Variants in RSRC1 observed in about 807,000 individuals in gnomAD.
The protein encoded by RSRC1 is arginine and serine rich coiled-coil 1.
Under a neutral mutation model 49.1 loss-of-function variants are expected in RSRC1, and 39 were observed. The ratio of observed to expected loss-of-function variants is 0.79; its 90% CI spans 0.61 to 1.04. The LOEUF is 1.04. Ranked by LOEUF, RSRC1 falls within the 50% of genes least tolerant of loss-of-function variation. The probability of loss-of-function intolerance (pLI) is 0.00; values close to 1 mark genes in which losing one functional copy is unlikely to be tolerated. For synonymous variants in RSRC1, 143 were observed against 130.8 expected, an observed-to-expected ratio of 1.09 and a Z score of -0.63; for missense variants, 388 against 402.4, an observed-to-expected ratio of 0.96 and a Z score of 0.31.
intron 3 of RSRC1, among the ~76,000 whole-genome samples, chr3:158,157,486 CTT>C (rs1348512917): frequency 6.6e-6 from 1 of 152,118 alleles, no homozygotes; most frequent in Admixed American, 6.5e-5. Flanking sequence ...AGTTAAATGT[CTT>C]TGGTGTTGGT....
At chr3:158,537,906 C>T (rs1041655685) in intron 8 of RSRC1, among the ~76,000 whole-genome samples, 2 of 151,634 alleles carry the variant, frequency 1.3e-5, no homozygotes, top group Non-Finnish European at 3.0e-5. Flanking sequence ...CCTCTGTTAT[C>T]AAATAAGTAG....
At chr3:158,302,678 T>TTTTTTTTTTTTTGGTTG (rs1727630418) in intron 5 of RSRC1, 1 of 147,414 alleles carries the variant, frequency 6.8e-6, no homozygotes. Context: ...TTTTTTTTTT[T>TTTTTTTTTTTTTGGTTG]GAGATGGGAG....
At chr3:158,247,240 C>T (rs76577376) in intron 4 of RSRC1, among the ~76,000 whole-genome samples, 2 of 152,190 alleles carry the variant, frequency 1.3e-5, no homozygotes, top group Non-Finnish European at 2.9e-5. Flanking sequence ...AGTTATGTTC[C>T]TCTTTAAACT....
intron 5 of RSRC1, among the ~76,000 whole-genome samples, chr3:158,334,250 A>C (rs945410101): frequency 2.6e-5 from 4 of 152,186 alleles, no homozygotes; most frequent in Non-Finnish European, 5.9e-5. Context: ...AAATTATTTG[A>C]ACTTTACCTT....
chr3:158,296,394 G>A (rs113858074), intron 4 of RSRC1, among the ~76,000 whole-genome samples: 1,869 of 151,906 alleles, frequency 0.012, 18 homozygotes, highest in Non-Finnish European at 0.019. Flanking sequence ...ATTGAGAACT[G>A]GGAGTCAGTG....
intron 3 of RSRC1, among the ~76,000 whole-genome samples, chr3:158,184,441 C>G (rs1479753568): frequency 6.6e-6 from 1 of 152,116 alleles, no homozygotes; most frequent in East Asian, 1.9e-4. Flanking sequence ...TACCTGAGTT[C>G]TGTTTCTCAT....
chr3:158,210,912 C>T (rs1729999), intron 4 of RSRC1, among the ~76,000 whole-genome samples: 86,753 of 151,770 alleles, frequency 0.57, 25,164 homozygotes, highest in East Asian at 0.73. Context: ...TGCCTGATAA[C>T]GTCTTAAATG....
At chr3:158,397,453 G>A (rs10936138) in intron 6 of RSRC1, among the ~76,000 whole-genome samples, 20,459 of 152,102 alleles carry the variant, frequency 0.13, 1,497 homozygotes, top group Middle Eastern at 0.2. Context: ...AATACCATTT[G>A]ACCTACTTAG....
At chr3:158,177,989 T>C (rs561350066) in intron 3 of RSRC1, among the ~76,000 whole-genome samples, 1 of 152,324 alleles carries the variant, frequency 6.6e-6, no homozygotes, top group Admixed American at 6.5e-5. Context: ...GATAGGAGTT[T>C]GTCAATTCAC....
Position 158,270,857 on chromosome 3 carries a change from T to A in RSRC1, c.495-27182T>A, listed in dbSNP as rs186806538. Among the ~76,000 whole-genome samples, 469 of 152,224 alleles carry A rather than the reference T, an allele frequency of 3.1e-3. 2 individuals are homozygous for A. Among genetic ancestry groups the A allele is most frequent in the Middle Eastern group, 0.01 (3 of 294 alleles). On this transcript the variant is annotated intron_variant, in intron 4 of 9. Coordinates refer to ENST00000611884, the MANE Select transcript of RSRC1 (RefSeq NM_001271838.2). ...GATAATGTAAAACTTTCTGAACTAT[T>A]TTCCTATACATTTTTTCCTCCATCT...
chr3:158,450,812 C>G (rs1451116416), intron 6 of RSRC1, among the ~76,000 whole-genome samples: 1 of 151,738 alleles, frequency 6.6e-6, no homozygotes, highest in Non-Finnish European at 1.5e-5. Flanking sequence ...GCTTTTTTAA[C>G]ATTATATATT....
At chr3:158,172,336 A>AT in intron 3 of RSRC1, among the ~76,000 whole-genome samples, 1 of 152,276 alleles carries the variant, frequency 6.6e-6, no homozygotes, top group South Asian at 2.1e-4. Flanking sequence ...TAAATGAAAT[A>AT]TTTATCTTTT....
intron 3 of RSRC1, among the ~76,000 whole-genome samples, chr3:158,152,632 A>T (rs7623107): frequency 0.59 from 90,170 of 152,056 alleles, 26,999 homozygotes; most frequent in East Asian, 0.71. Flanking sequence ...TGGTATATAA[A>T]TGTTTGATTA....
intron 3 of RSRC1, among the ~76,000 whole-genome samples, chr3:158,131,553 A>G (rs1716026523): frequency 6.6e-6 from 1 of 152,186 alleles, no homozygotes; most frequent in African/African-American, 2.4e-5. Context: ...GAGGGATTTG[A>G]AGTGACAGAT....
intron 7 of RSRC1, among the ~76,000 whole-genome samples, chr3:158,470,885 G>A (rs1738107933): frequency 6.6e-6 from 1 of 152,068 alleles, no homozygotes; most frequent in Admixed American, 6.5e-5. Context: ...CAATACATAG[G>A]GCAAGAGAGG....
intron 6 of RSRC1, among the ~76,000 whole-genome samples, chr3:158,414,639 G>C (rs182495471): frequency 6.6e-6 from 1 of 151,858 alleles, no homozygotes; most frequent in Non-Finnish European, 1.5e-5. Context: ...AGATGATTAC[G>C]TGAGCCCAGG....
chr3:158,216,546 C>T (rs1181259900), intron 4 of RSRC1, among the ~76,000 whole-genome samples: 1 of 151,204 alleles, frequency 6.6e-6, no homozygotes, highest in Non-Finnish European at 1.5e-5. Context: ...TTTCTGTTGC[C>T]TCTGAGAGTA....
intron 5 of RSRC1, among the ~76,000 whole-genome samples, chr3:158,315,781 A>G (rs1030059587): frequency 1.3e-5 from 2 of 152,132 alleles, no homozygotes; most frequent in Non-Finnish European, 2.9e-5. Flanking sequence ...ATGTCATGGT[A>G]ATTATCACTT....
intron 5 of RSRC1, among the ~76,000 whole-genome samples, chr3:158,305,943 CATT>C (rs1452348901): frequency 1.3e-5 from 2 of 151,830 alleles, no homozygotes; most frequent in Non-Finnish European, 2.9e-5. Context: ...TAAAGTATAT[CATT>C]ATTTTTGTAG....
Sources: gnomAD v4.1 joint callset for allele counts (sites outside exome capture counted in the v4.1 genomes callset) on GRCh38, gnomAD v4.1.1 for gene constraint, MANE v1.5 for transcripts, NCBI Gene and HGNC (gene_info 2026-07-23, HGNC 2026-07-21) for gene names.